CAND1: variants seen among roughly 807,000 people sequenced by gnomAD.
CAND1 encodes cullin-associated NEDD8-dissociated protein 1.
A neutral mutation model predicts 108.5 loss-of-function variants in CAND1; 7 were observed. The ratio of observed to expected loss-of-function variants is 0.06; its 90% CI spans 0.04 to 0.12. CAND1 has a LOEUF of 0.12. CAND1 is among the 10% of genes least tolerant of loss of function. The probability of loss-of-function intolerance (pLI) is 1.00; values close to 1 mark genes in which losing one functional copy is unlikely to be tolerated. For missense variants in CAND1, 941 were observed against 1,448.7 expected, an observed-to-expected ratio of 0.65 and a Z score of 5.69; for synonymous variants, 534 against 512.0, an observed-to-expected ratio of 1.04 and a Z score of -0.58.
chr12:67,273,368 G>A (rs1234465823), intron 1 of CAND1, among the ~76,000 whole-genome samples: 2 of 152,066 alleles, frequency 1.3e-5, no homozygotes, highest in Non-Finnish European at 2.9e-5. Flanking sequence ...CAATAGATAG[G>A]GGATTCGGTT....
chr12:67,317,262 A>T lies in CAND1; in HGVS notation c.*4432A>T, dbSNP rs2045016071. ...GTGATTCTCCCACCTCAGCCTCCCG[A>T]GTAGCTGGGAGTATAGGTGTGTGCC... On this transcript the variant is annotated 3_prime_UTR_variant, in exon 15 of 15. Transcript: ENST00000545606. The T allele has an allele frequency of 6.6e-6, 1 of 152,226 alleles. No individual in the cohort carries two copies. The highest frequency in any genetic ancestry group is 1.5e-5 in the Non-Finnish European group (1 of 68,206). The allele number at this position is 152,226 out of a possible 1,614,324, so 9.4% of individuals were successfully genotyped here.
chr12:67,286,454 G>A (rs576141067), intron 2 of CAND1, among the ~76,000 whole-genome samples: 55 of 152,236 alleles, frequency 3.6e-4, no homozygotes, highest in African/African-American at 1.3e-3. Flanking sequence ...CCATTTGGTT[G>A]TGTCAGTTTT....
chr12:67,317,473 A>ATTTTTTTTTTTTTTTTTTTTTTTTTT lies in CAND1; in HGVS notation c.*4666_*4667insTTTTTTTTTTTTTTTTTTTTTTTTTT, dbSNP rs61481589. The stretch of plus-strand genomic sequence containing the variant: ...CTTTTTTCTTTTTTTTTCTTTCTTA[A>ATTTTTTTTTTTTTTTTTTTTTTTTTT]TTTTTTTTTTTTTTTTTTTTTTTGA... On this transcript the variant is annotated 3_prime_UTR_variant, in exon 15 of 15. Coordinates refer to ENST00000545606, the MANE Select transcript of CAND1 (RefSeq NM_018448.5). The ATTTTTTTTTTTTTTTTTTTTTTTTTT allele has an allele frequency of 1.1e-5, 1 of 88,218 alleles. No homozygotes were observed. The highest frequency in any genetic ancestry group is 5.4e-5 in the African/African-American group (1 of 18,420). The allele number at this position is 88,218 out of a possible 1,614,324, so 5.5% of individuals were successfully genotyped here.
chr12:67,269,914 C>G (rs991438979), intron 1 of CAND1, 129 bp downstream of exon 1: 10 of 693,822 alleles, frequency 1.4e-5, no homozygotes, highest in Non-Finnish European at 2.4e-6. Context: ...CTCCAGCCCA[C>G]CGGTCCGCTG....
rs373068062 is a variant in CAND1, at chr12:67,286,074, C to A, written c.212+4021C>A. ...CCTGGCTGGAGTGCAGTGGCTGGATCTCTGCTCACTGCAAGCTCTGCCTCC... is the reference window on the plus strand; with the variant it reads ...CCTGGCTGGAGTGCAGTGGCTGGATATCTGCTCACTGCAAGCTCTGCCTCC... On this transcript the variant is annotated intron_variant, in intron 2 of 14. Transcript: ENST00000545606. Among the ~76,000 whole-genome samples, 40 of 152,228 alleles carry A rather than the reference C, an allele frequency of 2.6e-4. 2 individuals are homozygous for A. Among genetic ancestry groups the A allele is most frequent in the African/African-American group, 9.2e-4 (38 of 41,520 alleles).
intron 11 of CAND1, among the ~76,000 whole-genome samples, chr12:67,308,795 T>G (rs1392536388): frequency 6.6e-6 from 1 of 152,044 alleles, no homozygotes; most frequent in Non-Finnish European, 1.5e-5. Context: ...TATATTGTTT[T>G]TGAAACCACG....
chr12:67,292,638 A>G lies in CAND1; in HGVS notation c.229A>G (p.Ser77Gly), dbSNP rs572210344. 20 of 1,610,634 alleles carry G rather than the reference A, an allele frequency of 1.2e-5. No homozygotes were observed. Among genetic ancestry groups the G allele is most frequent in the Non-Finnish European group, 1.5e-5 (18 of 1,178,760 alleles). Residue 77 changes from serine to glycine, a missense_variant, in exon 3 of 15, where the codon AGT becomes GGT. This residue lies in a region of CAND1 where 44 missense variants were observed against 129.1 expected (regional missense o/e 0.34). Transcript: ENST00000545606. ...GTATTACAGTCTTGGTCCTTTAGTG[A>G]GTAAAGTGAAAGAATACCAAGTAGA... ...LAVKCLGPLV[S>G]KVKEYQVETI...
chr12:67,308,714 A>G (rs1208923638), intron 11 of CAND1, among the ~76,000 whole-genome samples: 1 of 152,032 alleles, frequency 6.6e-6, no homozygotes, highest in Non-Finnish European at 1.5e-5. Context: ...TATATACTCT[A>G]TTGTAATTAC....
At position 67,317,462 on chromosome 12, in the gene CAND1, TTTC is replaced by T. The variant is rs1565733956; in HGVS notation, c.*4635_*4637del. On this transcript the variant is annotated 3_prime_UTR_variant, in exon 15 of 15. Coordinates refer to ENST00000545606, the MANE Select transcript of CAND1 (RefSeq NM_018448.5). ...GTTGTTGATTTCTTTTTTCTTTTTTTTTCTTTCTTAATTTTTTTTTTTTTTTTT... is the reference window on the plus strand; with the variant it reads ...GTTGTTGATTTCTTTTTTCTTTTTTTTTTCTTAATTTTTTTTTTTTTTTTT... 6.6e-6 allele frequency: 1 copy of T among 150,884 alleles called. No homozygotes were observed. The highest frequency in any genetic ancestry group is 2.5e-5 in the African/African-American group (1 of 40,700). The allele number at this position is 150,884 out of a possible 1,614,324, so 9.3% of individuals were successfully genotyped here.
rs560195920 is a variant in CAND1, at chr12:67,316,863, C to T, written c.*4033C>T. Reference sequence around the variant, plus strand: ...CTCAAAAAAATAGTAAAGAATTGTACTTCAGGGCCAGATGGCAGCTCACGC... The same window carrying T: ...CTCAAAAAAATAGTAAAGAATTGTATTTCAGGGCCAGATGGCAGCTCACGC... On this transcript the variant is annotated 3_prime_UTR_variant, in exon 15 of 15. Transcript: ENST00000545606. 1 of 152,206 alleles carries T rather than the reference C, an allele frequency of 6.6e-6. No individual in the cohort carries two copies. Among genetic ancestry groups the T allele is most frequent in the South Asian group, 2.1e-4 (1 of 4,818 alleles). 9.4% of individuals were successfully genotyped at this position (152,206 alleles called of 1,614,324 possible). A position where few individuals can be genotyped will look rare whatever the true frequency, so the allele number is the denominator to read the frequency against.
chr12:67,285,476 T>G (rs1439351989), intron 2 of CAND1, among the ~76,000 whole-genome samples: 1 of 152,182 alleles, frequency 6.6e-6, no homozygotes, highest in African/African-American at 2.4e-5. Flanking sequence ...AAGAAAACTC[T>G]GAACAGGTAG....
chr12:67,272,987 C>T (rs539096477), intron 1 of CAND1, among the ~76,000 whole-genome samples: 2 of 152,212 alleles, frequency 1.3e-5, no homozygotes, highest in South Asian at 4.2e-4. Flanking sequence ...GCACCGCATC[C>T]ACCCATGCAG....
At chr12:67,275,476 A>G (rs990933809) in intron 1 of CAND1, among the ~76,000 whole-genome samples, 1 of 152,008 alleles carries the variant, frequency 6.6e-6, no homozygotes, top group Non-Finnish European at 1.5e-5. Context: ...GCGTGAGCAG[A>G]GATTGCACCA....
chr12:67,310,608 C>T (rs903868454), intron 13 of CAND1: 3 of 197,832 alleles, frequency 1.5e-5, no homozygotes, highest in African/African-American at 2.3e-5. Flanking sequence ...AAAAAAGTCC[C>T]GACAGATTTT....
rs2045034673 is a variant in CAND1 at position 67,318,980 on chromosome 12, T to G, written c.*6150T>G. 1 of 152,180 alleles carries G rather than the reference T, an allele frequency of 6.6e-6. No homozygotes were observed. Among genetic ancestry groups the G allele is most frequent in the African/African-American group, 2.4e-5 (1 of 41,450 alleles). 9.4% of individuals were successfully genotyped at this position (152,180 alleles called of 1,614,324 possible). A position where few individuals can be genotyped will look rare whatever the true frequency, so the allele number is the denominator to read the frequency against. Reference sequence around the variant, plus strand: ...CATCACAGTCACCTGTAAGACTTATTAAAACAGATCGCTGGGCCCTACACC... The same window carrying G: ...CATCACAGTCACCTGTAAGACTTATGAAAACAGATCGCTGGGCCCTACACC... On this transcript the variant is annotated 3_prime_UTR_variant, in exon 15 of 15. Coordinates refer to ENST00000545606, the MANE Select transcript of CAND1 (RefSeq NM_018448.5).
chr12:67,304,943 A>G (rs1039218297), intron 9 of CAND1, among the ~76,000 whole-genome samples, 161 bp from the exon 10 acceptor site: 6 of 152,228 alleles, frequency 3.9e-5, no homozygotes, highest in Non-Finnish European at 7.3e-5. Flanking sequence ...GTCTCACCCT[A>G]AAATATTTGG....
intron 2 of CAND1, among the ~76,000 whole-genome samples, chr12:67,290,680 A>C (rs1386880732): frequency 6.6e-6 from 1 of 152,046 alleles, no homozygotes; most frequent in Admixed American, 6.6e-5. Flanking sequence ...CATCAACCAG[A>C]TGGTTAAGTT....
intron 7 of CAND1, 87 bp from the exon 8 acceptor site, chr12:67,302,236 T>C: frequency 8.2e-7 from 1 of 1,220,962 alleles, no homozygotes; most frequent in Non-Finnish European, 1.1e-6. Flanking sequence ...TTAACTGATT[T>C]GGTTAAGAAT....
chr12:67,303,389 G>A (rs61539332), intron 8 of CAND1, among the ~76,000 whole-genome samples: 13,440 of 152,144 alleles, frequency 0.088, 1,308 homozygotes, highest in African/African-American at 0.24. Context: ...TTTTTGTGGT[G>A]AACTTACTCA....
Sources: gnomAD v4.1 joint callset for allele counts (sites outside exome capture counted in the v4.1 genomes callset) on GRCh38, gnomAD v4.1.1 for gene constraint, gnomAD v4.1.1 regional missense constraint, MANE v1.5 for transcripts, NCBI Gene and HGNC (gene_info 2026-07-23, HGNC 2026-07-21) for gene names.